The following EEA1 variants were observed in gnomAD, a reference collection of about 807,000 sequenced individuals.
EEA1 encodes early endosome antigen 1, 162kD.
A neutral mutation model predicts 209.2 loss-of-function variants in EEA1; 111 were observed. That is an observed-to-expected ratio of 0.53 (90% CI 0.45 to 0.62). EEA1 has a LOEUF of 0.62. EEA1 is among the 20% of genes least tolerant of loss of function. EEA1 has a pLI of 0.00. For synonymous variants in EEA1, 536 were observed against 540.6 expected (o/e 0.99, Z 0.12); for missense variants, 1,343 against 1,530.8 (o/e 0.88, Z 2.05).
At chr12:92,860,628 A>C (rs1251613985) in intron 3 of EEA1, among the ~76,000 whole-genome samples, 2 of 151,852 alleles carry the variant, frequency 1.3e-5, no homozygotes, top group Non-Finnish European at 2.9e-5. Context: ...CTACAGAAAA[A>C]CCTTGGGTTT....
Position 92,812,944 on chromosome 12 carries a change from C to T in EEA1, c.2043+36G>A, listed in dbSNP as rs367894184. The T allele has an allele frequency of 4.9e-4, 694 of 1,409,992 alleles. 1 individual carries two copies. The highest frequency in any genetic ancestry group is 6.4e-4 in the Non-Finnish European group (650 of 1,021,546). The allele number at this position is 1,409,992 out of a possible 1,614,324, so 87.3% of individuals were successfully genotyped here. ...TGCAATTTATTTATCTACCAAAGCA[C>T]TAGGTGATAGTATGAAATTGCATCT... On this transcript the variant is annotated intron_variant, in intron 16 of 28. Transcript: ENST00000322349.
At chr12:92,782,319 T>C (rs1256732876) in intron 22 of EEA1, among the ~76,000 whole-genome samples, 184 bp from the exon 23 acceptor site, 1 of 152,150 alleles carries the variant, frequency 6.6e-6, no homozygotes, top group African/African-American at 2.4e-5. Flanking sequence ...ATAGAAAACA[T>C]TTATAATATA....
At position 92,827,975 on chromosome 12, in the gene EEA1, C is replaced by T; in HGVS notation, c.1341G>A (p.Lys447=). 1 of 1,604,200 alleles carries T rather than the reference C, an allele frequency of 6.2e-7. No individual in the cohort carries two copies. The highest frequency in any genetic ancestry group is 1.7e-4 in the Middle Eastern group (1 of 6,044). ...CCACTTGTTGTTCTTTATCCATCAA[C>T]TTTTCACTTGAAAGCTGTCTCTGTT... ...LKEQRQLSSE[K]LMDKEQQVAD... is the part of the protein sequence containing the mutation. Residue 447 remains lysine (K), a synonymous_variant, in exon 12 of 29, where the codon AAG becomes AAA. Coordinates refer to ENST00000322349, the MANE Select transcript of EEA1 (RefSeq NM_003566.4).
rs958223814 is a variant in EEA1 at position 92,771,705 on chromosome 12, TAAC to T, written c.*4303_*4305del. On this transcript the variant is annotated 3_prime_UTR_variant, in exon 29 of 29. Transcript: ENST00000322349. ...TTCTGGTTAAAAAAAATTTTTACATTAACAATCATCTTGCAAATGTTTAGATAT... is the reference window on the plus strand; with the variant it reads ...TTCTGGTTAAAAAAAATTTTTACATTAATCATCTTGCAAATGTTTAGATAT... 1 of 152,012 alleles carries T rather than the reference TAAC, an allele frequency of 6.6e-6. No homozygotes were observed. The highest frequency in any genetic ancestry group is 2.4e-5 in the African/African-American group (1 of 41,428). The allele number at this position is 152,012 out of a possible 1,614,324, so 9.4% of individuals were successfully genotyped here.
At chr12:92,838,358 A>C (rs1877020041) in intron 10 of EEA1, among the ~76,000 whole-genome samples, 1 of 152,080 alleles carries the variant, frequency 6.6e-6, no homozygotes, top group African/African-American at 2.4e-5. Flanking sequence ...GATCATCAAC[A>C]CTCACTGCTT....
At position 92,787,910 on chromosome 12, in the gene EEA1, T is replaced by C. The variant is rs781738167; in HGVS notation, c.3107A>G (p.Tyr1036Cys). 26 of 1,612,316 alleles carry C rather than the reference T, an allele frequency of 1.6e-5. No homozygotes were observed. Among genetic ancestry groups the C allele is most frequent in the Non-Finnish European group, 2.0e-5 (23 of 1,179,274 alleles). Residue 1036 changes from tyrosine (Y) to cysteine (C), a missense_variant, in exon 22 of 29, where the codon TAT becomes TGT. Physicochemically the swap from Tyr to Cys is radical, Grantham distance 194. Transcript: ENST00000322349. Reference protein sequence around the residue: ...ETFKQLQSDFYGRESELLATR... With the variant: ...ETFKQLQSDFCGRESELLATR... Reference sequence around the variant, plus strand: ...GGCTAGAAGTTCAGATTCCCTCCCATAGAAATCAGATTGAAGCTGTTTGAA... The same window carrying C: ...GGCTAGAAGTTCAGATTCCCTCCCACAGAAATCAGATTGAAGCTGTTTGAA...
intron 13 of EEA1, among the ~76,000 whole-genome samples, chr12:92,824,476 A>G (rs1379270770): frequency 1.3e-5 from 2 of 152,190 alleles, no homozygotes; most frequent in African/African-American, 2.4e-5. Context: ...AAAATTACCT[A>G]TGAGGAACTG....
chr12:92,811,215 G>A (rs2136674793), intron 17 of EEA1, 64 bp downstream of exon 17: 1 of 1,133,652 alleles, frequency 8.8e-7, no homozygotes, highest in South Asian at 2.8e-5. Context: ...TTCCATGTAG[G>A]TCATGAGATT....
chr12:92,802,493 TG>T lies in EEA1; in HGVS notation c.2580del (p.Asp860GlufsTer10). ...AAAGAATCAGAAACTTTTGATAGTT[TG>T]TCCTTTACTGTAGAAAGCTCTGTCA... ...ALMTELSTVK[D>X]KLSKVSDSLK... On this transcript the variant is annotated frameshift_variant, in exon 19 of 29. Transcript: ENST00000322349. LOFTEE classifies it high-confidence loss of function. 6.3e-7 allele frequency: 1 copy of T among 1,583,562 alleles called. No homozygotes were observed. Among genetic ancestry groups the T allele is most frequent in the Non-Finnish European group, 8.5e-7 (1 of 1,171,922 alleles).
At chr12:92,786,905 C>G (rs986616411) in intron 22 of EEA1, among the ~76,000 whole-genome samples, 5 of 152,132 alleles carry the variant, frequency 3.3e-5, no homozygotes, top group Non-Finnish European at 5.9e-5. Context: ...TAAACTAGTA[C>G]GCCAGCAAGG....
At chr12:92,901,055 GA>G (rs1344355194) in intron 1 of EEA1, among the ~76,000 whole-genome samples, 2 of 152,068 alleles carry the variant, frequency 1.3e-5, no homozygotes, top group African/African-American at 4.8e-5. Flanking sequence ...TTCACACTAC[GA>G]TGGTATTAAG....
chr12:92,871,766 T>C (rs892016711), intron 2 of EEA1, among the ~76,000 whole-genome samples: 2 of 152,224 alleles, frequency 1.3e-5, no homozygotes, highest in African/African-American at 4.8e-5. Context: ...TTCATTATGG[T>C]ATCCAGTTGC....
intron 2 of EEA1, chr12:92,883,649 A>G: frequency 1.8e-6 from 1 of 553,582 alleles, no homozygotes; most frequent in Non-Finnish European, 3.2e-6. Context: ...TTTCTTAATA[A>G]TATTTTCTTT....
chr12:92,774,225 C>T lies in EEA1; in HGVS notation c.*1786G>A, dbSNP rs1052927180. 4.0e-5 allele frequency: 6 copies of T among 151,206 alleles called. No homozygotes were observed. In the East Asian group the frequency reaches 9.7e-4, roughly 24 times the overall value. The allele number at this position is 151,206 out of a possible 1,614,324, so 9.4% of individuals were successfully genotyped here. ...CCAACTATTATTTTTAATAAAGAGCCACTGTATTTCTTCATTATATATGTT... is the reference window on the plus strand; with the variant it reads ...CCAACTATTATTTTTAATAAAGAGCTACTGTATTTCTTCATTATATATGTT... On this transcript the variant is annotated 3_prime_UTR_variant, in exon 29 of 29. Transcript: ENST00000322349.
intron 3 of EEA1, chr12:92,859,124 T>C (rs747027923): frequency 9.2e-6 from 11 of 1,197,194 alleles, no homozygotes; most frequent in African/African-American, 4.5e-5. Context: ...AGGGAGCTAC[T>C]AGAGATTATA....
In EEA1 at chr12:92,780,353, A is replaced by T; in HGVS notation, c.3395T>A (p.Ile1132Asn). Reference sequence around the variant, plus strand: ...GATTTCTTTTTCTTGTCTACATTTAATTTCTTCTATCTCTGCCAATTTAGA... The same window carrying T: ...GATTTCTTTTTCTTGTCTACATTTATTTTCTTCTATCTCTGCCAATTTAGA... ...EKSKLAEIEE[I>N]KCRQEKEITK... The change falls in exon 24 of 29, where the codon ATT (isoleucine) becomes AAT (asparagine). Residue 1132 changes from isoleucine (I) to asparagine (N), a missense_variant. Ile to Asn is a moderately radical substitution (Grantham distance 149). Transcript: ENST00000322349. 1 of 1,598,508 alleles carries T rather than the reference A, an allele frequency of 6.3e-7. No individual in the cohort carries two copies. The highest frequency in any genetic ancestry group is 1.1e-5 in the South Asian group (1 of 88,670).
intron 3 of EEA1, among the ~76,000 whole-genome samples, chr12:92,862,430 G>GA (rs1031762913): frequency 1.8e-4 from 27 of 150,204 alleles, no homozygotes; most frequent in South Asian, 1.7e-3. Flanking sequence ...GTCCCAAAAA[G>GA]AAAAAAAAAG....
chr12:92,897,708 AG>A (rs367584540), intron 1 of EEA1, among the ~76,000 whole-genome samples: 51 of 152,274 alleles, frequency 3.3e-4, no homozygotes, highest in African/African-American at 1.2e-3. Flanking sequence ...CAGTGACAAT[AG>A]GAAGGCTGAG....
chr12:92,844,812 A>G (rs1460650694), intron 9 of EEA1, among the ~76,000 whole-genome samples: 1 of 152,082 alleles, frequency 6.6e-6, no homozygotes, highest in African/African-American at 2.4e-5. Flanking sequence ...CACAGAAATA[A>G]TAACAGTATA....
Sources: allele counts gnomAD v4.1 joint callset (sites outside exome capture counted in the v4.1 genomes callset), GRCh38; gene constraint gnomAD v4.1.1; transcripts MANE v1.5; gene names NCBI Gene and HGNC (gene_info 2026-07-23, HGNC 2026-07-21).